CTNND2: variants seen among roughly 807,000 people sequenced by gnomAD.
The protein encoded by CTNND2 is catenin delta-2.
In CTNND2, 22 loss-of-function variants were observed where a neutral mutation model predicts 144.4. The ratio of observed to expected loss-of-function variants is 0.15; its 90% CI spans 0.11 to 0.22. CTNND2 has a LOEUF of 0.22. Among genes scored for constraint, CTNND2 ranks in the 10% least tolerant of loss-of-function variants. The pLI is 1.00. For missense variants in CTNND2, 1,353 were observed against 1,618.8 expected (o/e 0.84, Z 2.82); for synonymous variants, 751 against 695.6 (o/e 1.08, Z -1.25).
intron 10 of CTNND2, among the ~76,000 whole-genome samples, chr5:11,202,835 G>A (rs574551110): frequency 1.3e-5 from 2 of 150,762 alleles, no homozygotes; most frequent in South Asian, 2.1e-4. Context: ...ATGGAGTTTC[G>A]CTCTGGTTGC....
chr5:11,673,457 T>C (rs1026043371), intron 2 of CTNND2, among the ~76,000 whole-genome samples: 8 of 152,352 alleles, frequency 5.3e-5, no homozygotes, highest in South Asian at 4.1e-4. Context: ...TCTGCTTTAA[T>C]GGTTAAGCAA....
rs960721758 is a variant in CTNND2 at position 11,028,485 on chromosome 5, T to C, written c.2789-5506A>G. Among the ~76,000 whole-genome samples the C allele has an allele frequency of 2.6e-5, 4 of 152,350 alleles. 1 individual carries two copies. The highest frequency in any genetic ancestry group is 6.5e-5 in the Admixed American group (1 of 15,302). ...ACAATCATATATCTCCAAAACTCTTTTCATCTTGCAAAATTGAAACTTTAA... is the reference window on the plus strand; with the variant it reads ...ACAATCATATATCTCCAAAACTCTTCTCATCTTGCAAAATTGAAACTTTAA... On this transcript the variant is annotated intron_variant, in intron 16 of 21. Coordinates refer to ENST00000304623, the MANE Select transcript of CTNND2 (RefSeq NM_001332.4).
chr5:11,347,226 G>T (rs61750704), intron 8 of CTNND2, among the ~76,000 whole-genome samples: 3 of 152,146 alleles, frequency 2.0e-5, no homozygotes, highest in Admixed American at 2.0e-4. Context: ...ACTCCCGAAA[G>T]ATTTTTATAT....
intron 3 of CTNND2, among the ~76,000 whole-genome samples, chr5:11,563,280 A>G (rs918987535): frequency 1.3e-5 from 2 of 152,242 alleles, no homozygotes; most frequent in Non-Finnish European, 2.9e-5. Context: ...AAACAGACCA[A>G]TAGTGAAACA....
chr5:11,573,021 T>A (rs1375644870), intron 2 of CTNND2, among the ~76,000 whole-genome samples: 1 of 151,972 alleles, frequency 6.6e-6, no homozygotes, highest in African/African-American at 2.4e-5. Flanking sequence ...GGTACAGAAC[T>A]GTGGTTTCTC....
At chr5:11,323,423 C>T (rs1014421738) in intron 9 of CTNND2, among the ~76,000 whole-genome samples, 2 of 152,106 alleles carry the variant, frequency 1.3e-5, no homozygotes, top group Admixed American at 1.3e-4. Flanking sequence ...GTCACATGAT[C>T]TATGATGATG....
At chr5:11,514,015 C>T (rs1314147808) in intron 3 of CTNND2, among the ~76,000 whole-genome samples, 1 of 151,924 alleles carries the variant, frequency 6.6e-6, no homozygotes, top group South Asian at 2.1e-4. Flanking sequence ...TTCGTCTCTA[C>T]AAAAATTTAA....
intron 1 of CTNND2, among the ~76,000 whole-genome samples, chr5:11,842,442 G>A (rs1417678645): frequency 2.6e-5 from 4 of 152,090 alleles, no homozygotes; most frequent in Non-Finnish European, 5.9e-5. Flanking sequence ...GATATGGGCC[G>A]GGCGCAGTGG....
chr5:11,675,962 T>G (rs564009397), intron 2 of CTNND2, among the ~76,000 whole-genome samples: 2 of 151,960 alleles, frequency 1.3e-5, no homozygotes, highest in African/African-American at 4.8e-5. Flanking sequence ...GTCATTTATG[T>G]TCTTCTCTAA....
intron 2 of CTNND2, among the ~76,000 whole-genome samples, chr5:11,667,574 G>C (rs771278476): frequency 6.6e-6 from 1 of 152,170 alleles, no homozygotes; most frequent in African/African-American, 2.4e-5. Context: ...CTTTTGAAAA[G>C]TATCTGTTCA....
At chr5:11,421,403 G>T (rs1432098200) in intron 3 of CTNND2, among the ~76,000 whole-genome samples, 1 of 152,088 alleles carries the variant, frequency 6.6e-6, no homozygotes, top group South Asian at 2.1e-4. Flanking sequence ...AGCTTGCTCT[G>T]CTTGACGCTT....
At chr5:11,205,633 A>C (rs1447693997) in intron 10 of CTNND2, among the ~76,000 whole-genome samples, 1 of 152,230 alleles carries the variant, frequency 6.6e-6, no homozygotes, top group Non-Finnish European at 1.5e-5. Context: ...CTTATTGAAA[A>C]GCCAGTTAAA....
intron 2 of CTNND2, among the ~76,000 whole-genome samples, chr5:11,571,893 T>C (rs1021292715): frequency 2.9e-4 from 44 of 152,186 alleles, no homozygotes; most frequent in African/African-American, 1.0e-3. Context: ...GACTCTTTAT[T>C]GGAAGTACTG....
rs13357625 is a variant in CTNND2, at chr5:11,585,033, G to C, written c.175-19977C>G. On this transcript the variant is annotated intron_variant, in intron 2 of 21. Transcript: ENST00000304623. The stretch of plus-strand genomic sequence containing the variant: ...ATCACAAAACCCTAGGGAGAGCTGC[G>C]GCATTACAATAATGGCCATGCTTTT... Among the ~76,000 whole-genome samples the C allele has an allele frequency of 2.6e-5, 4 of 152,064 alleles. No individual in the cohort carries two copies. In the South Asian group the frequency reaches 8.3e-4, roughly 32 times the overall value.
At chr5:11,864,926 C>T (rs186606468) in intron 1 of CTNND2, among the ~76,000 whole-genome samples, 89 of 97,370 alleles carry the variant, frequency 9.1e-4, no homozygotes, top group African/African-American at 3.4e-3. Flanking sequence ...TGGAGTTTCA[C>T]TCTTGTTGCC....
chr5:11,688,661 A>G (rs1050515164), intron 2 of CTNND2, among the ~76,000 whole-genome samples: 1 of 152,220 alleles, frequency 6.6e-6, no homozygotes, highest in Non-Finnish European at 1.5e-5. Context: ...GAAGCCCAAA[A>G]TATCAAGTGA....
chr5:11,613,952 A>T (rs1201678739), intron 2 of CTNND2, among the ~76,000 whole-genome samples: 1 of 152,126 alleles, frequency 6.6e-6, no homozygotes, highest in East Asian at 1.9e-4. Context: ...TTATTTTTTC[A>T]TCTATAATGA....
chr5:11,473,277 G>A (rs905548996), intron 3 of CTNND2, among the ~76,000 whole-genome samples: 1 of 152,162 alleles, frequency 6.6e-6, no homozygotes, highest in African/African-American at 2.4e-5. Flanking sequence ...TGGGAGTGGG[G>A]AGAGAGAAAA....
intron 1 of CTNND2, among the ~76,000 whole-genome samples, chr5:11,896,431 A>G (rs1737398889): frequency 6.6e-6 from 1 of 152,184 alleles, no homozygotes; most frequent in Admixed American, 6.5e-5. Flanking sequence ...AGCATGCACT[A>G]CTTTTGAAAA....
Sources: gnomAD v4.1 joint callset for allele counts (sites outside exome capture counted in the v4.1 genomes callset) on GRCh38, gnomAD v4.1.1 for gene constraint, MANE v1.5 for transcripts, NCBI Gene and HGNC (gene_info 2026-07-23, HGNC 2026-07-21) for gene names.